NPAS1: variants seen among roughly 807,000 people sequenced by gnomAD.
The protein encoded by NPAS1 is neuronal PAS domain protein 1.
NPAS1 carries 29 observed loss-of-function variants against 49.2 expected under a neutral mutation model. The ratio of observed to expected loss-of-function variants is 0.59; its 90% confidence interval spans 0.44 to 0.80. The LOEUF is 0.80. Among genes scored for constraint, NPAS1 ranks in the 30% least tolerant of loss-of-function variants. The pLI, the probability that NPAS1 is intolerant of heterozygous loss-of-function variation, is 0.00. For missense variants in NPAS1, 825 were observed against 835.5 expected (o/e 0.99, Z 0.15); for synonymous variants, 408 against 380.4 (o/e 1.07, Z -0.84).
chr19:47,039,094 C>T lies in NPAS1; in HGVS notation c.747C>T (p.Val249=). 2 of 1,614,028 alleles carry T rather than the reference C, an allele frequency of 1.2e-6. No individual in the cohort carries two copies. The highest frequency in any genetic ancestry group is 1.7e-6 in the Non-Finnish European group (2 of 1,179,964). The part of the protein sequence containing the change: ...SSLVQERSFF[V]RMKSTLTKRG... ...TGGTCCAGGAGCGCTCCTTCTTTGT[C>T]CGCATGAAATCCACGCTCACCAAGA... is the stretch of plus-strand genomic sequence containing the variant. The change falls in exon 7 of 12, where the codon GTC becomes GTT. Residue 249 remains valine, a synonymous_variant. Coordinates refer to ENST00000602212, the MANE Select transcript of NPAS1 (RefSeq NM_002517.4).
Position 47,045,539 on chromosome 19 carries a change from C to T in NPAS1, c.1661C>T (p.Pro554Leu). ...YGPAELGLVY[P>L]HLQRLGPGPA... ...CCCGCGGAGCTGGGCCTGGTGTACC[C>T]GCACCTGCAGAGGCTGGGTCCGGGC... The change falls in exon 12 of 12, where the codon CCG becomes CTG. Residue 554 changes from proline to leucine, a missense_variant. Coordinates refer to ENST00000602212, the MANE Select transcript of NPAS1 (RefSeq NM_002517.4). The T allele has an allele frequency of 6.5e-7, 1 of 1,528,576 alleles. No homozygotes were observed. The highest frequency in any genetic ancestry group is 2.5e-5 in the East Asian group (1 of 40,440). 94.7% of individuals were successfully genotyped at this position (1,528,576 alleles called of 1,614,324 possible). A position where few individuals can be genotyped will look rare whatever the true frequency, so the allele number is the denominator to read the frequency against.
At chr19:47,028,305 C>T (rs2056886562) in intron 3 of NPAS1, among the ~76,000 whole-genome samples, 1 of 151,944 alleles carries the variant, frequency 6.6e-6, no homozygotes, top group African/African-American at 2.4e-5. Context: ...CCCAGCCCCC[C>T]AGTAATTGTT....
chr19:47,042,233 C>T (rs1599922684), intron 10 of NPAS1, among the ~76,000 whole-genome samples: 3 of 151,864 alleles, frequency 2.0e-5, no homozygotes, highest in Non-Finnish European at 4.4e-5. Flanking sequence ...TACTTGAACC[C>T]GGGAGGTGGA....
chr19:47,040,738 T>TGG lies in NPAS1; in HGVS notation c.1069+197_1069+198dup, dbSNP rs67047644. On this transcript the variant is annotated intron_variant, in intron 9 of 11. Transcript: ENST00000602212. ...TGAGTGATGCCTCAGGATGTGTGTG[T>TGG]GGGGGGGGGGTCTGGGGGGCTGTGG... 1,229 of 498,248 alleles carry TGG rather than the reference T, an allele frequency of 2.5e-3. 14 individuals are homozygous for TGG. The Admixed American group carries it at 0.031, about 13-fold the overall frequency. The allele number at this position is 498,248 out of a possible 1,614,324, so 30.9% of individuals were successfully genotyped here.
chr19:47,020,673 G>T (rs886642523), intron 1 of NPAS1, among the ~76,000 whole-genome samples: 2 of 151,692 alleles, frequency 1.3e-5, no homozygotes, highest in African/African-American at 4.8e-5. Context: ...CCCGGCTTGG[G>T]CATGCTTGGC....
At position 47,021,782 on chromosome 19, in the gene NPAS1, G is replaced by A; in HGVS notation, c.293G>A (p.Arg98His). Residue 98 changes from arginine (R) to histidine (H), a missense_variant, in exon 3 of 12, where the codon CGC (arginine) becomes CAC (histidine). Transcript: ENST00000602212. The surrounding 1 kb of genome is among the most constrained non-coding windows in gnomAD (Gnocchi z 5.7). Reference protein sequence around the residue: ...VRLSVTYLRLRRFAALGAPPW... With the variant: ...VRLSVTYLRLHRFAALGAPPW... ...CTCAGCGTCACCTACCTCCGCCTGC[G>A]CCGGTTCGCCGCGCTGGGGGCGCCG... 6.5e-7 allele frequency: 1 copy of A among 1,532,896 alleles called. No homozygotes were observed. The highest frequency in any genetic ancestry group is 1.2e-5 in the South Asian group (1 of 82,358). The allele number at this position is 1,532,896 out of a possible 1,614,324, so 95.0% of individuals were successfully genotyped here.
At chr19:47,023,969 G>A (rs1028593932) in intron 3 of NPAS1, among the ~76,000 whole-genome samples, 1 of 152,048 alleles carries the variant, frequency 6.6e-6, no homozygotes, top group African/African-American at 2.4e-5. Flanking sequence ...GCCGGGCGTG[G>A]TGGTGTGTGC....
intron 8 of NPAS1, among the ~76,000 whole-genome samples, chr19:47,039,858 T>C (rs924551145): frequency 6.6e-6 from 1 of 152,054 alleles, no homozygotes; most frequent in African/African-American, 2.4e-5. Context: ...ATTTCTCATT[T>C]CTCTGGTCTT....
At chr19:47,038,943 T>C (rs2056989483) in intron 6 of NPAS1, 93 bp from the exon 7 acceptor site, 6 of 1,070,756 alleles carry the variant, frequency 5.6e-6, no homozygotes, top group Non-Finnish European at 8.6e-6. Context: ...AGCGGACATC[T>C]TGTGTCTATG....
intron 3 of NPAS1, among the ~76,000 whole-genome samples, chr19:47,030,317 T>C (rs984109922): frequency 3.9e-5 from 6 of 152,012 alleles, no homozygotes; most frequent in Admixed American, 2.0e-4. Context: ...CCACGGCGCC[T>C]GGCCACTTTC....
chr19:47,028,420 C>T (rs1347233511), intron 3 of NPAS1, among the ~76,000 whole-genome samples: 1 of 151,850 alleles, frequency 6.6e-6, no homozygotes, highest in Non-Finnish European at 1.5e-5. Context: ...GCTGGGGAGG[C>T]GGGGGCTGCG....
intron 3 of NPAS1, among the ~76,000 whole-genome samples, chr19:47,024,213 G>A (rs2056858435): frequency 6.6e-6 from 1 of 152,146 alleles, no homozygotes; most frequent in African/African-American, 2.4e-5. Flanking sequence ...CTTGAGCTGA[G>A]GAGGTCGAGG....
intron 5 of NPAS1, among the ~76,000 whole-genome samples, chr19:47,033,385 C>T (rs925702549): frequency 5.3e-5 from 8 of 152,036 alleles, no homozygotes; most frequent in Non-Finnish European, 1.2e-4. Context: ...GGATTACAGA[C>T]ATGCACCACC....
rs760210978 is a variant in NPAS1 at position 47,032,716 on chromosome 19, A to C, written c.506A>C (p.Tyr169Ser). Residue 169 changes from tyrosine (Y) to serine (S), a missense_variant, in exon 5 of 12, where the codon TAT becomes TCT. Physicochemically the swap from Tyr to Ser is moderately radical, Grantham distance 144. Coordinates refer to ENST00000602212, the MANE Select transcript of NPAS1 (RefSeq NM_002517.4). ...TACATCTCAGAGACAGTCTCCATCT[A>C]TCTGGGTCTCTCACAGGTAAGGGAC... is the stretch of plus-strand genomic sequence containing the variant. ...FLYISETVSI[Y>S]LGLSQVEMTG... The C allele has an allele frequency of 6.2e-7, 1 of 1,613,950 alleles. No individual in the cohort carries two copies. Among genetic ancestry groups the C allele is most frequent in the Admixed American group, 1.7e-5 (1 of 60,000 alleles).
chr19:47,040,803 C>T, intron 9 of NPAS1, 175 bp from the exon 10 acceptor site: 4 of 643,604 alleles, frequency 6.2e-6, no homozygotes, highest in Non-Finnish European at 1.0e-5. Context: ...GCTGGGCTAC[C>T]TCTCAGTCTC....
intron 11 of NPAS1, among the ~76,000 whole-genome samples, chr19:47,043,211 G>A (rs1017806500): frequency 7.0e-6 from 1 of 142,146 alleles, no homozygotes; most frequent in Non-Finnish European, 1.5e-5. Flanking sequence ...CAGGAGAATC[G>A]CTTGAACCCG....
Position 47,045,765 on chromosome 19 carries a change from T to C in NPAS1, c.*114T>C. 1.8e-6 allele frequency: 2 copies of C among 1,093,926 alleles called. No individual in the cohort carries two copies. The highest frequency in any genetic ancestry group is 2.5e-6 in the Non-Finnish European group (2 of 805,926). 67.8% of individuals were successfully genotyped at this position (1,093,926 alleles called of 1,614,324 possible). ...AAACGCCGGCTCTCCCTGCAGTGGT[T>C]TGGGCTCCGGGCTGTGAGCTCCTCT... On this transcript the variant is annotated 3_prime_UTR_variant, in exon 12 of 12. Coordinates refer to ENST00000602212, the MANE Select transcript of NPAS1 (RefSeq NM_002517.4).
rs1305750109 is a variant in NPAS1, at chr19:47,021,682, T to C, written c.193T>C (p.Phe65Leu). Reference sequence around the variant, plus strand: ...GCGGCGCGGGAAGGAGAACCTGGAGTTCTTCGAGCTGGCCAAGCTTCTCCC... The same window carrying C: ...GCGGCGCGGGAAGGAGAACCTGGAGCTCTTCGAGCTGGCCAAGCTTCTCCC... Reference protein sequence around the residue: ...RSRRGKENLEFFELAKLLPLP... With the variant: ...RSRRGKENLELFELAKLLPLP... The change falls in exon 3 of 12, where the codon TTC (phenylalanine) becomes CTC (leucine). Residue 65 changes from phenylalanine (F) to leucine (L), a missense_variant. Transcript: ENST00000602212. This position sits in a 1 kb window ranked among gnomAD's most constrained non-coding sequence, Gnocchi z 5.7. 6.4e-7 allele frequency: 1 copy of C among 1,562,650 alleles called. No homozygotes were observed. Among genetic ancestry groups the C allele is most frequent in the South Asian group, 1.2e-5 (1 of 84,598 alleles).
At chr19:47,037,169 T>C (rs978894699) in intron 6 of NPAS1, among the ~76,000 whole-genome samples, 4 of 151,092 alleles carry the variant, frequency 2.6e-5, no homozygotes, top group African/African-American at 9.7e-5. Flanking sequence ...CTGGCCAGCA[T>C]GGTGAAACCC....
Sources: gnomAD v4.1 joint callset for allele counts (sites outside exome capture counted in the v4.1 genomes callset) on GRCh38, gnomAD v4.1.1 for gene constraint, Gnocchi (gnomAD v3.1) non-coding constraint, MANE v1.5 for transcripts, NCBI Gene and HGNC (gene_info 2026-07-23, HGNC 2026-07-21) for gene names.